Variants in HM13 observed in about 807,000 individuals in gnomAD.
HM13 encodes the protein signal peptide peptidase.
HM13 carries 18 observed loss-of-function variants against 50.0 expected under a neutral mutation model. The ratio of observed to expected loss-of-function variants is 0.36; its 90% confidence interval spans 0.25 to 0.53. HM13 has a LOEUF of 0.53. Ranked by LOEUF, HM13 falls within the 20% of genes least tolerant of loss-of-function variation. The pLI, the probability that HM13 is intolerant of heterozygous loss-of-function variation, is 0.90. For missense variants in HM13, 393 were observed against 552.4 expected, an observed-to-expected ratio of 0.71 and a Z score of 2.89; for synonymous variants, 197 against 232.6, an observed-to-expected ratio of 0.85 and a Z score of 1.39.
At chr20:31,567,404 T>C (rs902419573) in intron 11 of HM13, among the ~76,000 whole-genome samples, 13 of 152,150 alleles carry the variant, frequency 8.5e-5, no homozygotes, top group Admixed American at 2.0e-4. Flanking sequence ...CCCTGGCCTT[T>C]ACCTGCTTGG....
intron 3 of HM13, among the ~76,000 whole-genome samples, chr20:31,543,992 G>A (rs1983586622): frequency 6.6e-6 from 1 of 152,082 alleles, no homozygotes; most frequent in Non-Finnish European, 1.5e-5. Flanking sequence ...GTACCTCCTG[G>A]CCTGCCTCAT....
Position 31,514,655 on chromosome 20 carries a change from C to T in HM13, c.104C>T (p.Ala35Val). 6.4e-7 allele frequency: 1 copy of T among 1,566,952 alleles called. No individual in the cohort carries two copies. The highest frequency in any genetic ancestry group is 8.6e-7 in the Non-Finnish European group (1 of 1,156,970). The stretch of plus-strand genomic sequence containing the variant: ...TCCACGCCCGAGGGCATCGCGCTGG[C>T]CTACGGCAGCCTCCTGCTCATGGCG... The part of the protein sequence containing the change: ...PPSTPEGIAL[A>V]YGSLLLMALL... Residue 35 changes from alanine to valine, a missense_variant, in exon 1 of 13, where the codon GCC becomes GTC. Physicochemically the swap from Ala to Val is moderately conservative, Grantham distance 64 (BLOSUM62 0). This residue lies in a region of HM13 where 214 missense variants were observed against 276.1 expected (regional missense o/e 0.77). Coordinates refer to ENST00000398174, the MANE Select transcript of HM13 (RefSeq NM_178581.3). This position sits in a 1 kb window ranked among gnomAD's most constrained non-coding sequence, Gnocchi z 4.3.
chr20:31,546,026 A>T (rs1983691517), intron 4 of HM13, among the ~76,000 whole-genome samples: 1 of 142,760 alleles, frequency 7.0e-6, no homozygotes, highest in Admixed American at 7.1e-5. Flanking sequence ...TACAATACTG[A>T]GCATGTGAAA....
rs760037792 is a variant in HM13, at chr20:31,568,202, C to T, written c.1159C>T (p.Arg387Cys). 9.3e-6 allele frequency: 15 copies of T among 1,612,918 alleles called. No homozygotes were observed. The highest frequency in any genetic ancestry group is 1.2e-5 in the Non-Finnish European group (14 of 1,179,888). ...QQKLAGPRRR[R>C]PQNPSAIYEE... ...GAAGCTAGCTGGCCCTCGCCGCCGGCGCCCGCAGAATCCCAGCGCCATGTA... is the reference window on the plus strand; with the variant it reads ...GAAGCTAGCTGGCCCTCGCCGCCGGTGCCCGCAGAATCCCAGCGCCATGTA... The change falls in exon 12 of 13, where the codon CGC becomes TGC. Residue 387 changes from arginine (R) to cysteine (C), a missense_variant. This residue lies in a region of HM13 where 105 missense variants were observed against 115.9 expected (regional missense o/e 0.91). Transcript: ENST00000398174.
chr20:31,523,054 CT>C (rs1180366650), intron 1 of HM13, among the ~76,000 whole-genome samples: 279 of 106,700 alleles, frequency 2.6e-3, no homozygotes, highest in South Asian at 7.1e-3. Flanking sequence ...GGGAGGGGGG[CT>C]TTTTTTTTTT....
At position 31,566,679 on chromosome 20, in the gene HM13, A is replaced by AG. The variant is rs1984935661; in HGVS notation, c.1034+389dup. On this transcript the variant is annotated intron_variant, in intron 11 of 12. Coordinates refer to ENST00000398174, the MANE Select transcript of HM13 (RefSeq NM_178581.3). ...AGTTTTCACATGTGAGTAATAGAACAGGGGGCGTGTGGGATGCCCTAGTGT... is the reference window on the plus strand; with the variant it reads ...AGTTTTCACATGTGAGTAATAGAACAGGGGGGCGTGTGGGATGCCCTAGTGT... Among the ~76,000 whole-genome samples, 3 of 149,254 alleles carry AG rather than the reference A, an allele frequency of 2.0e-5. No homozygotes were observed. The South Asian group carries it at 6.2e-4, about 31-fold the overall frequency.
At chr20:31,550,038 A>T (rs1324290873) in intron 6 of HM13, 26 bp from the exon 7 acceptor site, 2 of 1,592,574 alleles carry the variant, frequency 1.3e-6, no homozygotes, top group Middle Eastern at 3.3e-4. Flanking sequence ...ACTTCCCTTC[A>T]TACTGCTCTT....
At chr20:31,566,434 G>A (rs11906851) in intron 11 of HM13, 139 bp downstream of exon 11, 1 of 707,300 alleles carries the variant, frequency 1.4e-6, no homozygotes, top group Admixed American at 2.2e-5. Context: ...GCCTTTTTCA[G>A]CAGTACATGG....
intron 7 of HM13, 102 bp from the exon 8 acceptor site, chr20:31,554,644 T>C (rs1011758299): frequency 1.5e-5 from 13 of 895,528 alleles, no homozygotes; most frequent in African/African-American, 5.1e-5. Context: ...ATTGCGCCAC[T>C]GCACTCCAGC....
Position 31,550,373 on chromosome 20 carries a change from G to A in HM13, c.724+252G>A, listed in dbSNP as rs6059933. 2.7e-3 allele frequency: 1,356 copies of A among 508,224 alleles called. 7 individuals carry two copies. The highest frequency in any genetic ancestry group is 0.013 in the Middle Eastern group (24 of 1,838). The allele number at this position is 508,224 out of a possible 1,614,324, so 31.5% of individuals were successfully genotyped here. A position where few individuals can be genotyped will look rare whatever the true frequency, so the allele number is the denominator to read the frequency against. Reference sequence around the variant, plus strand: ...GAGCCAAAATGGGAGCGAGCATGGAGGGGAAGTGTTTAACCCAGCCCGGGG... The same window carrying A: ...GAGCCAAAATGGGAGCGAGCATGGAAGGGAAGTGTTTAACCCAGCCCGGGG... On this transcript the variant is annotated intron_variant, in intron 7 of 12. Coordinates refer to ENST00000398174, the MANE Select transcript of HM13 (RefSeq NM_178581.3).
At chr20:31,528,286 C>T (rs1982613257) in intron 2 of HM13, among the ~76,000 whole-genome samples, 1 of 152,160 alleles carries the variant, frequency 6.6e-6, no homozygotes, top group African/African-American at 2.4e-5. Flanking sequence ...CAGAAGTAGT[C>T]ATTAACATTT....
intron 8 of HM13, among the ~76,000 whole-genome samples, chr20:31,556,862 T>C (rs1362264863): frequency 6.6e-6 from 1 of 151,826 alleles, no homozygotes; most frequent in Non-Finnish European, 1.5e-5. Context: ...CTACTAAAAA[T>C]ACAAAAATTA....
chr20:31,535,486 A>AT (rs1983057475), intron 2 of HM13: 1 of 152,238 alleles, frequency 6.6e-6, no homozygotes, highest in Non-Finnish European at 1.5e-5. Context: ...CCTGGTGCCC[A>AT]ATCCACATGG....
intron 1 of HM13, among the ~76,000 whole-genome samples, chr20:31,517,498 G>A (rs978390022): frequency 1.3e-5 from 2 of 152,132 alleles, no homozygotes; most frequent in African/African-American, 4.8e-5. Context: ...GGACAAAGAA[G>A]GCCAAGCCCT....
intron 1 of HM13, among the ~76,000 whole-genome samples, chr20:31,525,755 A>T (rs1029539991): frequency 6.6e-6 from 1 of 151,380 alleles, no homozygotes; most frequent in Non-Finnish European, 1.5e-5. Context: ...ATACAAATTT[A>T]TACCAAAAAA....
In HM13 at chr20:31,559,692, T is replaced by C. The variant is rs1034218418; in HGVS notation, c.845+45T>C. 5 of 1,599,388 alleles carry C rather than the reference T, an allele frequency of 3.1e-6. No individual in the cohort carries two copies. In the African/African-American group the frequency reaches 6.7e-5, roughly 21 times the overall value. On this transcript the variant is annotated intron_variant, in intron 9 of 12. Coordinates refer to ENST00000398174, the MANE Select transcript of HM13 (RefSeq NM_178581.3). ...CCCCAGCATGGGCTTCTCCAGGGAT[T>C]CTCCAGTGGCCTTCAGGAGCCCAGA...
chr20:31,528,754 G>C (rs1191882785), intron 2 of HM13, among the ~76,000 whole-genome samples: 4 of 152,222 alleles, frequency 2.6e-5, no homozygotes, highest in African/African-American at 9.6e-5. Flanking sequence ...TGGGATTACA[G>C]GCGTTAGCCA....
rs751071060 is a variant in HM13, at chr20:31,566,309, G to C, written c.1034+14G>C. ...AGAGATGTTCAGGTAAGGCAGAGTG[G>C]GGGGCAGATGTCCTCATGGGCACCA... On this transcript the variant is annotated intron_variant, in intron 11 of 12. Transcript: ENST00000398174. 1.2e-6 allele frequency: 2 copies of C among 1,605,836 alleles called. No individual in the cohort carries two copies. The highest frequency in any genetic ancestry group is 2.2e-5 in the South Asian group (2 of 90,912).
intron 2 of HM13, among the ~76,000 whole-genome samples, chr20:31,534,983 G>T (rs569323296): frequency 6.6e-6 from 1 of 152,058 alleles, no homozygotes; most frequent in African/African-American, 2.4e-5. Flanking sequence ...CTACTCAGGA[G>T]GCTGAGGCAG....
Sources: allele counts gnomAD v4.1 joint callset (sites outside exome capture counted in the v4.1 genomes callset), GRCh38; gene constraint gnomAD v4.1.1; regional missense constraint gnomAD v4.1.1; non-coding constraint Gnocchi (gnomAD v3.1); transcripts MANE v1.5; gene names NCBI Gene and HGNC (gene_info 2026-07-23, HGNC 2026-07-21).